The following FMN2 variants were observed in gnomAD, a reference collection of about 807,000 sequenced individuals.
FMN2 encodes formin-2.
FMN2 carries 51 observed loss-of-function variants against 142.3 expected under a neutral mutation model. The ratio of observed to expected loss-of-function variants is 0.36; its 90% CI spans 0.29 to 0.45. FMN2 has a LOEUF of 0.45. Ranked by LOEUF, FMN2 falls within the 20% of genes least tolerant of loss-of-function variation. The pLI, the probability that FMN2 is intolerant of heterozygous loss-of-function variation, is 1.00. For synonymous variants in FMN2, 882 were observed against 869.8 expected (o/e 1.01, Z -0.25); for missense variants, 1,936 against 2,122.8 (o/e 0.91, Z 1.73).
intron 2 of FMN2, chr1:240,144,106 C>T: frequency 8.8e-7 from 1 of 1,138,340 alleles, no homozygotes; most frequent in Non-Finnish European, 1.3e-6. Context: ...TGAATGAGGC[C>T]ACCATCCACA....
At chr1:240,267,358 A>C (rs1194925213) in intron 7 of FMN2, among the ~76,000 whole-genome samples, 1 of 152,112 alleles carries the variant, frequency 6.6e-6, no homozygotes, top group Non-Finnish European at 1.5e-5. Flanking sequence ...GCTGGAGGCC[A>C]TTATCCTTAG....
chr1:240,356,277 C>T (rs951780138), intron 14 of FMN2, among the ~76,000 whole-genome samples: 6 of 152,068 alleles, frequency 3.9e-5, no homozygotes, highest in Non-Finnish European at 8.8e-5. Context: ...TACTGATGAG[C>T]TCATTTCAAC....
chr1:240,144,230 G>A, intron 2 of FMN2: 1 of 1,555,282 alleles, frequency 6.4e-7, no homozygotes, highest in Non-Finnish European at 8.9e-7. Flanking sequence ...AACAAAAGCT[G>A]CATTCACAAA....
intron 4 of FMN2, among the ~76,000 whole-genome samples, chr1:240,195,412 A>G (rs961227407): frequency 2.0e-5 from 3 of 152,180 alleles, no homozygotes; most frequent in African/African-American, 7.2e-5. Flanking sequence ...TAATGTTCCT[A>G]CGTGCAAGAA....
At chr1:240,098,689 A>G (rs1034305565) in intron 1 of FMN2, among the ~76,000 whole-genome samples, 1 of 152,176 alleles carries the variant, frequency 6.6e-6, no homozygotes, top group African/African-American at 2.4e-5. Context: ...GGACCAGAAC[A>G]CTGATCTTCA....
At chr1:240,204,795 A>G (rs776817276) in intron 4 of FMN2, among the ~76,000 whole-genome samples, 116 of 152,156 alleles carry the variant, frequency 7.6e-4, no homozygotes, top group Non-Finnish European at 1.4e-3. Context: ...GGGGGGAAAA[A>G]GGTGCCCTAA....
intron 2 of FMN2, among the ~76,000 whole-genome samples, chr1:240,167,130 A>G (rs929643100): frequency 2.0e-5 from 3 of 152,170 alleles, no homozygotes; most frequent in African/African-American, 7.2e-5. Flanking sequence ...TCAAACAACA[A>G]CAATAACAAA....
rs6697484 is a variant in FMN2, at chr1:240,310,269, T to C, written c.4215+15386T>C. 9.6e-3 allele frequency among the ~76,000 whole-genome samples: 1,458 copies of C among 152,352 alleles called. 24 individuals carry two copies. The highest frequency in any genetic ancestry group is 0.032 in the African/African-American group (1,327 of 41,578). On this transcript the variant is annotated intron_variant, in intron 8 of 17. Transcript: ENST00000319653. ...CCTTTCCCATAAATACAACACACTT[T>C]CTTTTTGCCAGATGCTTAAATGTCA...
intron 6 of FMN2, among the ~76,000 whole-genome samples, chr1:240,231,798 C>T (rs1466738001): frequency 1.3e-5 from 2 of 152,312 alleles, no homozygotes; most frequent in Non-Finnish European, 2.9e-5. Context: ...TCTTCAAGCA[C>T]TAGAAATAGT....
chr1:240,414,820 G>C (rs1167671083), intron 15 of FMN2, among the ~76,000 whole-genome samples: 1 of 152,156 alleles, frequency 6.6e-6, no homozygotes, highest in Non-Finnish European at 1.5e-5. Context: ...TTTTGACCCT[G>C]TGGTGGCAGA....
At chr1:240,304,579 G>A (rs1670312724) in intron 8 of FMN2, among the ~76,000 whole-genome samples, 2 of 152,176 alleles carry the variant, frequency 1.3e-5, no homozygotes, top group South Asian at 4.1e-4. Flanking sequence ...AAAAAAGAGG[G>A]CTCTGGCCGT....
chr1:240,165,005 T>G (rs1297190932), intron 2 of FMN2, among the ~76,000 whole-genome samples: 1 of 152,190 alleles, frequency 6.6e-6, no homozygotes, highest in Non-Finnish European at 1.5e-5. Flanking sequence ...TTGACTCCAT[T>G]TCTTCATTCT....
intron 7 of FMN2, among the ~76,000 whole-genome samples, chr1:240,274,408 G>A (rs543815384): frequency 1.3e-5 from 2 of 152,210 alleles, no homozygotes; most frequent in South Asian, 2.1e-4. Context: ...GTGACTGAAG[G>A]ATCAGCACGA....
chr1:240,261,255 A>G (rs139202036), intron 7 of FMN2, among the ~76,000 whole-genome samples: 161 of 152,058 alleles, frequency 1.1e-3, no homozygotes, highest in African/African-American at 3.8e-3. Flanking sequence ...GATAGGCAAA[A>G]TAAGACCTGT....
At chr1:240,186,032 A>C (rs192013005) in intron 3 of FMN2, among the ~76,000 whole-genome samples, 122 of 152,314 alleles carry the variant, frequency 8.0e-4, no homozygotes, top group Non-Finnish European at 8.4e-4. Flanking sequence ...ATGATATGCT[A>C]TATTTATCTG....
At chr1:240,392,657 C>T in intron 15 of FMN2, 95 bp downstream of exon 15, 2 of 1,002,146 alleles carry the variant, frequency 2.0e-6, no homozygotes, top group South Asian at 1.7e-5. Context: ...TTTTAATTTT[C>T]AAGCATAAAA....
chr1:240,271,547 T>C (rs1005887658), intron 7 of FMN2, among the ~76,000 whole-genome samples: 2 of 152,136 alleles, frequency 1.3e-5, no homozygotes, highest in East Asian at 3.9e-4. Flanking sequence ...AAGACCTGTT[T>C]ATTATATTTA....
At chr1:240,324,954 A>C (rs115754909) in intron 8 of FMN2, among the ~76,000 whole-genome samples, 2,161 of 152,226 alleles carry the variant, frequency 0.014, 55 homozygotes, top group African/African-American at 0.05. Flanking sequence ...GGATTGGCTT[A>C]TGTGTTTCTT....
intron 13 of FMN2, among the ~76,000 whole-genome samples, chr1:240,336,553 CAAAAAAAAAAAAAA>C (rs552135436): frequency 5.9e-5 from 3 of 50,526 alleles, no homozygotes; most frequent in South Asian, 1.9e-3. Flanking sequence ...TGGTATTCTC[CAAAAAAAAAAAAAA>C]AAAAAAAAAA....
Sources: allele counts gnomAD v4.1 joint callset (sites outside exome capture counted in the v4.1 genomes callset), GRCh38; gene constraint gnomAD v4.1.1; transcripts MANE v1.5; gene names NCBI Gene and HGNC (gene_info 2026-07-23, HGNC 2026-07-21).